The following WASHC4 variants were observed in gnomAD, a reference collection of about 807,000 sequenced individuals.
The protein encoded by WASHC4 is WASH complex subunit 4, also known as WASH complex subunit 7.
A neutral mutation model predicts 166.6 loss-of-function variants in WASHC4; 86 were observed. That is an observed-to-expected ratio of 0.52 (90% CI 0.43 to 0.62). The LOEUF (loss-of-function observed/expected upper bound fraction) is 0.62, where lower values mean the gene tolerates loss of function less well. WASHC4 is among the 20% of genes least tolerant of loss of function. The probability of loss-of-function intolerance (pLI) is 0.00; values close to 1 mark genes in which losing one functional copy is unlikely to be tolerated. For missense variants in WASHC4, 1,262 were observed against 1,382.4 expected (o/e 0.91, Z 1.38); for synonymous variants, 446 against 451.6 (o/e 0.99, Z 0.16).
intron 7 of WASHC4, among the ~76,000 whole-genome samples, chr12:105,118,889 C>T (rs1472475409): frequency 1.3e-5 from 2 of 152,088 alleles, no homozygotes; most frequent in African/African-American, 4.8e-5. Flanking sequence ...TCTTAGACTA[C>T]AGAATCTTGA....
rs1191403247 is a variant in WASHC4 at position 105,147,136 on chromosome 12, T to C, written c.2504T>C (p.Met835Thr). The change falls in exon 24 of 33, where the codon ATG becomes ACG. Residue 835 changes from methionine (M) to threonine (T), a missense_variant. Met to Thr is a moderately conservative substitution (Grantham distance 81). Transcript: ENST00000332180. Reference protein sequence around the residue: ...NSIRTHGTGIMNTTVNFTYQF... With the variant: ...NSIRTHGTGITNTTVNFTYQF... ...ATTCGAACACATGGCACGGGAATTA[T>C]GAATACAACTGTAAGAACTTTTCTT... The C allele has an allele frequency of 1.3e-6, 2 of 1,588,698 alleles. No homozygotes were observed. Among genetic ancestry groups the C allele is most frequent in the African/African-American group, 1.3e-5 (1 of 74,504 alleles).
intron 2 of WASHC4, among the ~76,000 whole-genome samples, chr12:105,112,753 C>G (rs1053313670): frequency 6.6e-6 from 1 of 152,046 alleles, no homozygotes; most frequent in Non-Finnish European, 1.5e-5. Context: ...ATTGGGTTAT[C>G]TTTTTAGTAT....
At chr12:105,117,340 A>G (rs1880283137) in intron 6 of WASHC4, among the ~76,000 whole-genome samples, 1 of 152,130 alleles carries the variant, frequency 6.6e-6, no homozygotes. Flanking sequence ...AACCACATAT[A>G]TCTAAATTTT....
At position 105,157,269 on chromosome 12, in the gene WASHC4, T is replaced by G; in HGVS notation, c.2859T>G (p.Phe953Leu). ...CTGATCTTGAAGATATTGTAAATTTTGAAGAACTAGTAAAAGAAGAAGGTC... is the reference window on the plus strand; with the variant it reads ...CTGATCTTGAAGATATTGTAAATTTGGAAGAACTAGTAAAAGAAGAAGGTC... ...FVPDLEDIVNFEELVKEEGLA... is the reference protein window; with the variant it reads ...FVPDLEDIVNLEELVKEEGLA... Residue 953 changes from phenylalanine to leucine, a missense_variant, in exon 28 of 33, where the codon TTT becomes TTG. By Grantham distance (22) the Phe-to-Leu change is conservative (BLOSUM62 0). Coordinates refer to ENST00000332180, the MANE Select transcript of WASHC4 (RefSeq NM_015275.3). 6.4e-7 allele frequency: 1 copy of G among 1,566,644 alleles called. No homozygotes were observed. The highest frequency in any genetic ancestry group is 2.2e-5 in the East Asian group (1 of 44,482).
At chr12:105,138,360 TA>T (rs200705849) in intron 15 of WASHC4, among the ~76,000 whole-genome samples, 54,503 of 145,182 alleles carry the variant, frequency 0.38, 10,636 homozygotes, top group Middle Eastern at 0.55. Flanking sequence ...TTGCATGAGT[TA>T]AAAAAAAAAA....
intron 13 of WASHC4, among the ~76,000 whole-genome samples, chr12:105,128,936 C>A (rs989589248): frequency 6.7e-6 from 1 of 149,774 alleles, no homozygotes. Flanking sequence ...TACCACCATG[C>A]CCAGCTACAT....
chr12:105,133,566 C>T (rs1882049611), intron 13 of WASHC4, among the ~76,000 whole-genome samples: 1 of 152,128 alleles, frequency 6.6e-6, no homozygotes, highest in Admixed American at 6.5e-5. Flanking sequence ...GCTGATTTCA[C>T]TGTTGTATTC....
intron 24 of WASHC4, chr12:105,149,395 T>TTCTTTTG: frequency 9.3e-7 from 1 of 1,070,368 alleles, no homozygotes; most frequent in Non-Finnish European, 1.1e-6. Context: ...TTTTTCTTTT[T>TTCTTTTG]TAGTAAAAAT....
chr12:105,144,830 G>A lies in WASHC4; in HGVS notation c.2292G>A (p.Leu764=), dbSNP rs367580154. 2 of 1,612,890 alleles carry A rather than the reference G, an allele frequency of 1.2e-6. No homozygotes were observed. The highest frequency in any genetic ancestry group is 2.7e-5 in the African/African-American group (2 of 74,782). ...MRNLATQRYG[L]VMTEAHLPSQ... ...ACTTAGCTACTCAGCGTTATGGACT[G>A]GTTATGACAGAGGCACATCTTCCCA... The change falls in exon 22 of 33, where the codon CTG becomes CTA. Residue 764 remains leucine, a synonymous_variant. Coordinates refer to ENST00000332180, the MANE Select transcript of WASHC4 (RefSeq NM_015275.3).
intron 26 of WASHC4, 50 bp downstream of exon 26, chr12:105,152,501 T>C: frequency 1.0e-6 from 1 of 959,840 alleles, no homozygotes; most frequent in Non-Finnish European, 1.7e-6. Context: ...CCCTACAGTC[T>C]ATCTCATATA....
At chr12:105,143,704 T>C (rs1016213542) in intron 20 of WASHC4, among the ~76,000 whole-genome samples, 22 of 152,056 alleles carry the variant, frequency 1.4e-4, no homozygotes, top group Non-Finnish European at 2.1e-4. Context: ...ATATGTATTA[T>C]AAACACTGAT....
At chr12:105,123,690 C>T (rs1216889187) in intron 10 of WASHC4, among the ~76,000 whole-genome samples, 1 of 152,202 alleles carries the variant, frequency 6.6e-6, no homozygotes, top group Non-Finnish European at 1.5e-5. Context: ...AGCAAGTGCT[C>T]ATGTAGAAGC....
chr12:105,134,411 T>C (rs1461214002), intron 14 of WASHC4, among the ~76,000 whole-genome samples: 1 of 152,076 alleles, frequency 6.6e-6, no homozygotes, highest in Non-Finnish European at 1.5e-5. Flanking sequence ...ATTAATGATA[T>C]TGTCTGGGTA....
Position 105,111,226 on chromosome 12 carries a change from G to C in WASHC4, c.163G>C (p.Asp55His). The C allele has an allele frequency of 6.2e-7, 1 of 1,609,930 alleles. No individual in the cohort carries two copies. Among genetic ancestry groups the C allele is most frequent in the Non-Finnish European group, 8.5e-7 (1 of 1,176,904 alleles). ...IEDALDDSIG[D>H]VWDFNLDPIA... ...GGACGCTCTGGATGACTCAATTGGA[G>C]ATGTTTGGGATTTCAATCTTGATCC... The change falls in exon 2 of 33, where the codon GAT becomes CAT. Residue 55 changes from aspartate (D) to histidine (H), a missense_variant. Coordinates refer to ENST00000332180, the MANE Select transcript of WASHC4 (RefSeq NM_015275.3).
chr12:105,108,881 A>G (rs1879357763), intron 1 of WASHC4, among the ~76,000 whole-genome samples: 1 of 152,200 alleles, frequency 6.6e-6, no homozygotes, highest in Admixed American at 6.5e-5. Flanking sequence ...GAGAAGAGTG[A>G]GCTACATCCA....
Position 105,122,891 on chromosome 12 carries a change from C to T in WASHC4, c.786+653C>T, listed in dbSNP as rs534055433. On this transcript the variant is annotated intron_variant, in intron 10 of 32. Transcript: ENST00000332180. ...CTTCAAGCCTTTTTATTCTCTGAGA[C>T]ACAACCATATTGAAATTAGGCCAAT... is the stretch of plus-strand genomic sequence containing the variant. Among the ~76,000 whole-genome samples, 115 of 152,282 alleles carry T rather than the reference C, an allele frequency of 7.6e-4. 3 individuals are homozygous for T. The highest frequency in any genetic ancestry group is 6.8e-3 in the Middle Eastern group (2 of 294).
intron 7 of WASHC4, among the ~76,000 whole-genome samples, 188 bp downstream of exon 7, chr12:105,118,716 C>A (rs373953718): frequency 6.6e-6 from 1 of 152,108 alleles, no homozygotes; most frequent in Non-Finnish European, 1.5e-5. Context: ...GTGAGCGAAC[C>A]CATTATCTGT....
chr12:105,124,141 C>T (rs931723123), intron 10 of WASHC4, among the ~76,000 whole-genome samples: 1 of 140,274 alleles, frequency 7.1e-6, no homozygotes, highest in African/African-American at 2.7e-5. Flanking sequence ...TTTTTCGAGA[C>T]GGACTTTCAC....
Position 105,134,164 on chromosome 12 carries a change from A to G in WASHC4, c.1326+268A>G, listed in dbSNP as rs532593858. ...CTGTCATTTATTTCAAACTATTTAAATTTTTATTATAACTGTGGGCTTTTT... is the reference window on the plus strand; with the variant it reads ...CTGTCATTTATTTCAAACTATTTAAGTTTTTATTATAACTGTGGGCTTTTT... On this transcript the variant is annotated intron_variant, in intron 14 of 32. Coordinates refer to ENST00000332180, the MANE Select transcript of WASHC4 (RefSeq NM_015275.3). Among the ~76,000 whole-genome samples, 24 of 152,174 alleles carry G rather than the reference A, an allele frequency of 1.6e-4. No individual in the cohort carries two copies. The South Asian group carries it at 3.7e-3, about 24-fold the overall frequency.
Sources: gnomAD v4.1 joint callset for allele counts (sites outside exome capture counted in the v4.1 genomes callset) on GRCh38, gnomAD v4.1.1 for gene constraint, MANE v1.5 for transcripts, NCBI Gene and HGNC (gene_info 2026-07-23, HGNC 2026-07-21) for gene names.